HYCC1: variants seen among roughly 807,000 people sequenced by gnomAD.
HYCC1 encodes hyccin.
chr7:22,981,022 A>G, the HYCC1 span, among the ~76,000 whole-genome samples: 2 of 151,780 alleles, frequency 1.3e-5, no homozygotes, highest in Admixed American at 1.3e-4. Flanking sequence ...TTCCACCCCA[A>G]CTCCTAATTC....
At chr7:22,963,835 A>G in the HYCC1 span, among the ~76,000 whole-genome samples, 5 of 152,228 alleles carry the variant, frequency 3.3e-5, no homozygotes, top group Admixed American at 1.3e-4. Flanking sequence ...TTTATACTCT[A>G]CTAGAGAAAA....
At chr7:22,978,172 A>G in the HYCC1 span, 1 of 1,179,234 alleles carries the variant, frequency 8.5e-7, no homozygotes, top group South Asian at 1.3e-5. Flanking sequence ...GGTGTATGAA[A>G]AAACAAACAC....
the HYCC1 span, among the ~76,000 whole-genome samples, chr7:22,910,563 C>T: frequency 4.6e-5 from 7 of 152,192 alleles, no homozygotes; most frequent in East Asian, 1.4e-3. Context: ...CATAAAGAAA[C>T]CATTTCTTTT....
the HYCC1 span, among the ~76,000 whole-genome samples, chr7:22,963,986 T>G: frequency 1.3e-5 from 2 of 151,984 alleles, no homozygotes; most frequent in African/African-American, 4.8e-5. Flanking sequence ...TATTAGAAAC[T>G]AATAGAAAGC....
At chr7:22,995,543 G>A in the HYCC1 span, among the ~76,000 whole-genome samples, 9 of 151,988 alleles carry the variant, frequency 5.9e-5, no homozygotes, top group African/African-American at 9.7e-5. Flanking sequence ...AAGCCAACCT[G>A]AAAGAACACC....
chr7:22,901,705 T>G, the HYCC1 span, among the ~76,000 whole-genome samples: 3 of 151,910 alleles, frequency 2.0e-5, no homozygotes, highest in African/African-American at 7.3e-5. Context: ...ATCAGAAATA[T>G]AAAAGGAGCA....
At chr7:22,914,500 G>A in the HYCC1 span, among the ~76,000 whole-genome samples, 427 of 151,936 alleles carry the variant, frequency 2.8e-3, 2 homozygotes, top group African/African-American at 9.8e-3. Flanking sequence ...ACTTGGCCCC[G>A]ATACAAACTT....
chr7:22,927,415 C>T, the HYCC1 span, among the ~76,000 whole-genome samples: 2 of 151,820 alleles, frequency 1.3e-5, no homozygotes. Flanking sequence ...TTGAAAAGAT[C>T]AACAAAATTG....
chr7:22,933,504 T>C, the HYCC1 span, among the ~76,000 whole-genome samples: 1 of 152,200 alleles, frequency 6.6e-6, no homozygotes, highest in Non-Finnish European at 1.5e-5. Context: ...TCTTAGATGG[T>C]TGCTGTTTGC....
the HYCC1 span, chr7:22,941,140 C>T: frequency 6.6e-6 from 1 of 152,272 alleles, no homozygotes; most frequent in African/African-American, 2.4e-5. Flanking sequence ...CACTTACCCC[C>T]AAAAGCTCTC....
the HYCC1 span, among the ~76,000 whole-genome samples, chr7:22,963,345 A>G: frequency 6.6e-6 from 1 of 152,220 alleles, no homozygotes; most frequent in Admixed American, 6.5e-5. Context: ...TGAAGATTTC[A>G]GCAAAGAGAC....
the HYCC1 span, among the ~76,000 whole-genome samples, chr7:22,898,794 G>A: frequency 6.6e-6 from 1 of 151,552 alleles, no homozygotes; most frequent in African/African-American, 2.4e-5. Context: ...GTAGAGATGA[G>A]GTTTCACCAT....
chr7:22,928,263 T>G, the HYCC1 span, among the ~76,000 whole-genome samples: 2 of 152,246 alleles, frequency 1.3e-5, no homozygotes, highest in Non-Finnish European at 2.9e-5. Flanking sequence ...GCATTTCCTT[T>G]GAAAACTGGC....
chr7:22,941,686 T>A, the HYCC1 span: 1 of 152,146 alleles, frequency 6.6e-6, no homozygotes, highest in African/African-American at 2.4e-5. Context: ...TTTCTTTAGA[T>A]ATGCACAAGT....
the HYCC1 span, among the ~76,000 whole-genome samples, chr7:23,006,168 C>G: frequency 6.6e-6 from 1 of 152,068 alleles, no homozygotes; most frequent in Non-Finnish European, 1.5e-5. Flanking sequence ...TAACCAAAAC[C>G]CTAACTGAAT....
the HYCC1 span, chr7:22,960,298 C>T: frequency 6.2e-7 from 1 of 1,613,766 alleles, no homozygotes; most frequent in East Asian, 2.2e-5. Flanking sequence ...ATGCTGGTTA[C>T]TGCATTTCTT....
At chr7:22,897,734 T>A in the HYCC1 span, among the ~76,000 whole-genome samples, 1 of 151,998 alleles carries the variant, frequency 6.6e-6, no homozygotes, top group Non-Finnish European at 1.5e-5. Flanking sequence ...AGCTCCCAAG[T>A]AGCTGAGGCT....
chr7:22,964,613 A>G, the HYCC1 span: 2 of 749,860 alleles, frequency 2.7e-6, no homozygotes, highest in Middle Eastern at 3.1e-4. Context: ...CCAACAATGT[A>G]CTAGGTACAC....
At chr7:22,903,280 C>G in the HYCC1 span, among the ~76,000 whole-genome samples, 3 of 151,896 alleles carry the variant, frequency 2.0e-5, no homozygotes, top group Non-Finnish European at 4.4e-5. Context: ...ATGTTCATAA[C>G]AGCTTTATTT....
Sources: gnomAD v4.1 joint callset for allele counts (sites outside exome capture counted in the v4.1 genomes callset) on GRCh38, gnomAD v4.1.1 for gene constraint, MANE v1.5 for transcripts, NCBI Gene and HGNC (gene_info 2026-07-23, HGNC 2026-07-21) for gene names.